Variants in RSBN1L observed in about 807,000 individuals in gnomAD.
The protein encoded by RSBN1L is round spermatid basic protein 1 like, also known as lysine-specific demethylase RSBN1L.
A neutral mutation model predicts 67.7 loss-of-function variants in RSBN1L; 30 were observed. The observed-to-expected ratio is 0.44, with a 90% CI of 0.33 to 0.60. RSBN1L has a LOEUF of 0.60. Ranked by LOEUF, RSBN1L falls within the 20% of genes least tolerant of loss-of-function variation. The probability of loss-of-function intolerance (pLI) is 0.02; values close to 1 mark genes in which losing one functional copy is unlikely to be tolerated. For synonymous variants in RSBN1L, 433 were observed against 387.0 expected, an observed-to-expected ratio of 1.12 and a Z score of -1.39; for missense variants, 992 against 1,031.7, an observed-to-expected ratio of 0.96 and a Z score of 0.53.
At chr7:77,718,883 C>T (rs942399960) in intron 1 of RSBN1L, among the ~76,000 whole-genome samples, 7 of 152,114 alleles carry the variant, frequency 4.6e-5, no homozygotes, top group African/African-American at 1.4e-4. Context: ...GAGTTGGTGG[C>T]TGGTCTGGTA....
rs776164085 is a variant in RSBN1L, at chr7:77,749,732, A to G, written c.1012A>G (p.Lys338Glu). ...GGAGCCACGAGTTCAGAATAACCTC[A>G]AAAGGTTGGACACTTTGGAATTTAA... ...LKEPRVQNNL[K>E]RLDTLEFKQL... is the part of the protein sequence containing the mutation. The change falls in exon 3 of 8, where the codon AAA becomes GAA. Residue 338 changes from lysine (K) to glutamate (E), a missense_variant. Coordinates refer to ENST00000334955, the MANE Select transcript of RSBN1L (RefSeq NM_198467.3). The G allele has an allele frequency of 6.2e-7, 1 of 1,613,882 alleles. No individual in the cohort carries two copies. Among genetic ancestry groups the G allele is most frequent in the Non-Finnish European group, 8.5e-7 (1 of 1,179,732 alleles).
At chr7:77,715,632 A>G (rs192971533) in intron 1 of RSBN1L, among the ~76,000 whole-genome samples, 1 of 152,186 alleles carries the variant, frequency 6.6e-6, no homozygotes, top group Non-Finnish European at 1.5e-5. Flanking sequence ...TTGGGCTGTT[A>G]AGTGTAAGTG....
At chr7:77,722,480 AAAG>A (rs1415907662) in intron 1 of RSBN1L, among the ~76,000 whole-genome samples, 2 of 152,156 alleles carry the variant, frequency 1.3e-5, no homozygotes, top group Non-Finnish European at 2.9e-5. Flanking sequence ...TCCACGGAAA[AAAG>A]GGCTGAGAAG....
chr7:77,734,727 G>A (rs1007465321), intron 1 of RSBN1L, among the ~76,000 whole-genome samples: 17 of 152,264 alleles, frequency 1.1e-4, no homozygotes, highest in African/African-American at 3.9e-4. Flanking sequence ...GACCTCGGGT[G>A]ATCCGCCCAC....
chr7:77,697,410 A>C, intron 1 of RSBN1L: 1 of 206,690 alleles, frequency 4.8e-6, no homozygotes, highest in Non-Finnish European at 9.6e-6. Context: ...GGTTTTGTAA[A>C]AGATGCTTGA....
intron 3 of RSBN1L, among the ~76,000 whole-genome samples, chr7:77,755,594 G>T (rs1318505524): frequency 6.6e-6 from 1 of 152,118 alleles, no homozygotes; most frequent in South Asian, 2.1e-4. Context: ...TTGAGCCCTG[G>T]AGGCGGAGGT....
In RSBN1L at chr7:77,696,900, T is replaced by G; in HGVS notation, c.431T>G (p.Leu144Arg). The G allele has an allele frequency of 6.2e-7, 1 of 1,605,530 alleles. No individual in the cohort carries two copies. The highest frequency in any genetic ancestry group is 1.7e-5 in the Admixed American group (1 of 59,966). ...LLHAQPHHLL[L>R]PAAAAAASAN... ...CACGCTCAGCCTCACCATCTCCTCC[T>G]GCCCGCCGCCGCCGCCGCTGCCTCG... Residue 144 changes from leucine (L) to arginine (R), a missense_variant, in exon 1 of 8, where the codon CTG becomes CGG. Leu to Arg is a moderately radical substitution (Grantham distance 102). Around this residue, in one of 7 missense-constraint regions of RSBN1L, gnomAD observed 575 missense variants for 483.2 expected, o/e 1.19. Coordinates refer to ENST00000334955, the MANE Select transcript of RSBN1L (RefSeq NM_198467.3).
At chr7:77,721,339 C>A (rs1254145953) in intron 1 of RSBN1L, among the ~76,000 whole-genome samples, 1 of 151,572 alleles carries the variant, frequency 6.6e-6, no homozygotes, top group Non-Finnish European at 1.5e-5. Context: ...AAACTTCATT[C>A]ACATTGAGCA....
intron 5 of RSBN1L, among the ~76,000 whole-genome samples, chr7:77,769,371 A>C (rs1430794652): frequency 6.6e-6 from 1 of 152,220 alleles, no homozygotes; most frequent in Admixed American, 6.5e-5. Context: ...ATCTAAGTAT[A>C]TTGGGAACTT....
At chr7:77,733,957 T>C (rs914176338) in intron 1 of RSBN1L, among the ~76,000 whole-genome samples, 6 of 152,154 alleles carry the variant, frequency 3.9e-5, no homozygotes, top group Non-Finnish European at 5.9e-5. Flanking sequence ...CGAAACCCCA[T>C]CTCCACTAAA....
intron 3 of RSBN1L, among the ~76,000 whole-genome samples, chr7:77,763,040 A>G (rs1791715625): frequency 6.6e-6 from 1 of 151,970 alleles, no homozygotes; most frequent in African/African-American, 2.4e-5. Context: ...GGACTTGATT[A>G]TGGCTTTGTT....
intron 1 of RSBN1L, among the ~76,000 whole-genome samples, chr7:77,703,344 A>G (rs1462685844): frequency 2.0e-5 from 3 of 151,976 alleles, no homozygotes; most frequent in Admixed American, 6.6e-5. Flanking sequence ...TATCTCTCCC[A>G]TTATGCTAAG....
intron 3 of RSBN1L, among the ~76,000 whole-genome samples, chr7:77,764,788 A>G (rs748514512): frequency 1.3e-5 from 2 of 151,178 alleles, no homozygotes; most frequent in Non-Finnish European, 3.0e-5. Flanking sequence ...CGGCCACCAC[A>G]CTCGGCTGAT....
rs2150436049 is a variant in RSBN1L at position 77,779,225 on chromosome 7, A to T, written c.*57A>T. ...AAAAAATTTAATGTAATAAAGATTC[A>T]TGAATTCTGAAAGCAAGCCAAGGAC... On this transcript the variant is annotated 3_prime_UTR_variant, in exon 8 of 8. Coordinates refer to ENST00000334955, the MANE Select transcript of RSBN1L (RefSeq NM_198467.3). 3.2e-6 allele frequency: 4 copies of T among 1,259,852 alleles called. No homozygotes were observed. The South Asian group carries it at 6.2e-5, about 19-fold the overall frequency. 78.0% of individuals were successfully genotyped at this position (1,259,852 alleles called of 1,614,324 possible).
At chr7:77,762,855 T>C (rs915157837) in intron 3 of RSBN1L, among the ~76,000 whole-genome samples, 4 of 152,168 alleles carry the variant, frequency 2.6e-5, no homozygotes, top group African/African-American at 9.7e-5. Flanking sequence ...TAATATGACT[T>C]TTTAAAACTA....
chr7:77,709,375 C>T (rs1192115923), intron 1 of RSBN1L, among the ~76,000 whole-genome samples: 1 of 151,948 alleles, frequency 6.6e-6, no homozygotes, highest in Non-Finnish European at 1.5e-5. Context: ...CTGCAACCGC[C>T]ACCTCCTGGG....
At chr7:77,711,668 A>G (rs1178525080) in intron 1 of RSBN1L, among the ~76,000 whole-genome samples, 1 of 152,212 alleles carries the variant, frequency 6.6e-6, no homozygotes, top group Non-Finnish European at 1.5e-5. Flanking sequence ...GTGTTAACCA[A>G]CAACAGTTTG....
chr7:77,773,247 G>A lies in RSBN1L; in HGVS notation c.1726G>A (p.Gly576Arg). The A allele has an allele frequency of 6.2e-7, 1 of 1,613,232 alleles. No homozygotes were observed. The highest frequency in any genetic ancestry group is 8.5e-7 in the Non-Finnish European group (1 of 1,179,532). Residue 576 changes from glycine to arginine, a missense_variant, in exon 6 of 8, where the codon GGA becomes AGA. By Grantham distance (125) the Gly-to-Arg change is moderately radical (BLOSUM62 -2). This residue lies in a region of RSBN1L where 67 missense variants were observed against 130.5 expected (regional missense o/e 0.51). Coordinates refer to ENST00000334955, the MANE Select transcript of RSBN1L (RefSeq NM_198467.3). ...DRTRAHADHI[G>R]QGFERQTTAA... ...GACAAGAGCTCATGCAGATCATATA[G>A]GACAAGGTTTTGAACGACAGACTAC...
At position 77,779,164 on chromosome 7, in the gene RSBN1L, G is replaced by A. The variant is rs773042364; in HGVS notation, c.2537G>A (p.Cys846Tyr). 29 of 1,574,716 alleles carry A rather than the reference G, an allele frequency of 1.8e-5. No homozygotes were observed. The highest frequency in any genetic ancestry group is 3.6e-5 in the South Asian group (3 of 84,046). The change falls in exon 8 of 8, where the codon TGC (cysteine) becomes TAC (tyrosine). Residue 846 changes from cysteine (C) to tyrosine (Y), a missense_variant. Physicochemically the swap from Cys to Tyr is radical, Grantham distance 194. Transcript: ENST00000334955. The stretch of plus-strand genomic sequence containing the variant: ...GATAAAAAAGACGATGACATTTTGT[G>A]CTAAATTTGCATATACCATCTAAAA... ...NQDKKDDDIL[C>Y]
Sources: gnomAD v4.1 joint callset for allele counts (sites outside exome capture counted in the v4.1 genomes callset) on GRCh38, gnomAD v4.1.1 for gene constraint, gnomAD v4.1.1 regional missense constraint, MANE v1.5 for transcripts, NCBI Gene and HGNC (gene_info 2026-07-23, HGNC 2026-07-21) for gene names.